Variants in AR observed in about 807,000 individuals in gnomAD.
AR encodes the protein dihydrotestosterone receptor.
AR carries 8 observed loss-of-function variants against 53.9 expected under a neutral mutation model. The observed-to-expected ratio is 0.15, with a 90% CI of 0.09 to 0.27. The LOEUF (loss-of-function observed/expected upper bound fraction) is 0.27, where lower values mean the gene tolerates loss of function less well. Among genes scored for constraint, AR ranks in the 10% least tolerant of loss-of-function variants. The pLI, the probability that AR is intolerant of heterozygous loss-of-function variation, is 1.00. For missense variants in AR, 639 were observed against 742.5 expected (o/e 0.86, Z 1.62); for synonymous variants, 359 against 316.4 (o/e 1.13, Z -1.43).
intron 1 of AR, among the ~76,000 whole-genome samples, chrX:67,552,554 A>G (rs775419804): frequency 1.8e-5 from 2 of 112,515 alleles, no homozygotes; most frequent in African/African-American, 3.2e-5. Context: ...TTGGATACAT[A>G]CATAGGATTG....
At chrX:67,624,034 C>T (rs748819932) in intron 1 of AR, among the ~76,000 whole-genome samples, 5 of 110,760 alleles carry the variant, frequency 4.5e-5, no homozygotes, top group South Asian at 7.8e-4. Context: ...TGTCTTCACA[C>T]GGCAGCAGGA....
intron 2 of AR, among the ~76,000 whole-genome samples, chrX:67,645,727 AACAC>A (rs1469155330): frequency 9.1e-6 from 1 of 109,864 alleles, no homozygotes; most frequent in African/African-American, 3.3e-5. Flanking sequence ...TGGTTTAGAA[AACAC>A]ACACACACAC....
At chrX:67,581,188 A>G (rs772167316) in intron 1 of AR, among the ~76,000 whole-genome samples, 2 of 110,912 alleles carry the variant, frequency 1.8e-5, no homozygotes, top group African/African-American at 6.5e-5. Flanking sequence ...CCTCTCTCAT[A>G]GTTTTAGGAT....
rs184371099 is a variant in AR at position 67,670,652 on chromosome X, G to A, written c.1769-15358G>A. On this transcript the variant is annotated intron_variant, in intron 2 of 7. Transcript: ENST00000374690. Reference sequence around the variant, plus strand: ...TGGGATACATGTGCAGAACGTGCAGGTTTCTTACATAGGTATACTCGTGCC... The same window carrying A: ...TGGGATACATGTGCAGAACGTGCAGATTTCTTACATAGGTATACTCGTGCC... Among the ~76,000 whole-genome samples the A allele has an allele frequency of 5.5e-5, 6 of 109,470 alleles. No individual in the cohort carries two copies. The East Asian group carries it at 1.7e-3, about 31-fold the overall frequency.
intron 1 of AR, among the ~76,000 whole-genome samples, chrX:67,557,610 G>A (rs976869132): frequency 6.3e-5 from 7 of 111,595 alleles, no homozygotes; most frequent in African/African-American, 2.0e-4. Context: ...ACTTTATAGA[G>A]GTCTATAGAA....
intron 3 of AR, among the ~76,000 whole-genome samples, chrX:67,711,012 G>A (rs1003583142): frequency 1.8e-5 from 2 of 112,288 alleles, no homozygotes; most frequent in Non-Finnish European, 3.8e-5. Flanking sequence ...CTGTCACCCA[G>A]AAGCAAAGGT....
At chrX:67,618,958 CT>C (rs1924245136) in intron 1 of AR, among the ~76,000 whole-genome samples, 1 of 111,828 alleles carries the variant, frequency 8.9e-6, no homozygotes, top group South Asian at 3.7e-4. Flanking sequence ...GAATGCCATC[CT>C]AGTACTTTGA....
At position 67,544,997 on chromosome X, in the gene AR, G is replaced by C. The variant is rs1766836953; in HGVS notation, c.-150G>C. On this transcript the variant is annotated 5_prime_UTR_variant, in exon 1 of 8. Coordinates refer to ENST00000374690, the MANE Select transcript of AR (RefSeq NM_000044.6). Reference sequence around the variant, plus strand: ...CTGTCAGAGCGCTTTTTGCGTGGTTGCTCCCGCAAGTTTCCTTCTCTGGAG... The same window carrying C: ...CTGTCAGAGCGCTTTTTGCGTGGTTCCTCCCGCAAGTTTCCTTCTCTGGAG... 4.9e-5 allele frequency: 43 copies of C among 884,497 alleles called. No homozygotes were observed. In the South Asian group the frequency reaches 1.2e-3, roughly 25 times the overall value. The allele number at this position is 884,497 out of a possible 1,213,427, so 72.9% of individuals were successfully genotyped here. A position where few individuals can be genotyped will look rare whatever the true frequency, so the allele number is the denominator to read the frequency against.
intron 1 of AR, among the ~76,000 whole-genome samples, chrX:67,588,704 A>T (rs1277883813): frequency 1.8e-5 from 2 of 111,988 alleles, no homozygotes; most frequent in Non-Finnish European, 3.8e-5. Flanking sequence ...TGGCCTCACA[A>T]TTGGTTTTTA....
chrX:67,641,167 G>A (rs1272952206), intron 1 of AR, among the ~76,000 whole-genome samples: 1 of 111,525 alleles, frequency 9.0e-6, no homozygotes, highest in African/African-American at 3.3e-5. Context: ...ACCCAGGATG[G>A]AATCCTGGCA....
At chrX:67,646,809 T>A (rs1347262297) in intron 2 of AR, among the ~76,000 whole-genome samples, 1 of 111,026 alleles carries the variant, frequency 9.0e-6, no homozygotes, top group Non-Finnish European at 1.9e-5. Flanking sequence ...AACATAATCA[T>A]CATCATTTCA....
At chrX:67,551,129 C>T (rs1929982814) in intron 1 of AR, among the ~76,000 whole-genome samples, 1 of 104,967 alleles carries the variant, frequency 9.5e-6, no homozygotes, top group African/African-American at 3.6e-5. Context: ...GTCTCTGTCT[C>T]TGTCTTGATC....
chrX:67,693,904 T>A (rs928146662), intron 3 of AR, among the ~76,000 whole-genome samples: 7 of 111,899 alleles, frequency 6.3e-5, no homozygotes, highest in Admixed American at 2.9e-4. Context: ...GAAGTAAAAA[T>A]TGATTGTTGA....
chrX:67,629,141 G>A (rs1395471855), intron 1 of AR, among the ~76,000 whole-genome samples: 3 of 110,938 alleles, frequency 2.7e-5, no homozygotes, highest in Non-Finnish European at 5.7e-5. Context: ...TCAGGATGAT[G>A]CTGGCCTCAT....
At chrX:67,713,979 A>G (rs1165472261) in intron 4 of AR, among the ~76,000 whole-genome samples, 1 of 112,628 alleles carries the variant, frequency 8.9e-6, no homozygotes, top group East Asian at 2.8e-4. Flanking sequence ...TGCTAATTCA[A>G]TAGATTGAGT....
chrX:67,608,660 C>T (rs1273594557), intron 1 of AR, among the ~76,000 whole-genome samples: 3 of 111,608 alleles, frequency 2.7e-5, no homozygotes, highest in South Asian at 3.7e-4. Flanking sequence ...GATTTAAAAT[C>T]GAAATAATAT....
rs564605648 is a variant in AR at position 67,623,614 on chromosome X, A to C, written c.1617-19642A>C. Among the ~76,000 whole-genome samples the C allele has an allele frequency of 2.7e-5, 3 of 111,389 alleles. No individual in the cohort carries two copies. In the Admixed American group the frequency reaches 2.9e-4, roughly 11 times the overall value. ...GAAAGGAACAGCAAACTACAAAGAA[A>C]GCAGGAAGAAAGACTAATAAAGACT... On this transcript the variant is annotated intron_variant, in intron 1 of 7. Coordinates refer to ENST00000374690, the MANE Select transcript of AR (RefSeq NM_000044.6).
At chrX:67,603,072 A>G (rs1386742017) in intron 1 of AR, among the ~76,000 whole-genome samples, 1 of 111,634 alleles carries the variant, frequency 9.0e-6, no homozygotes, top group African/African-American at 3.3e-5. Flanking sequence ...TCCCAGGCCT[A>G]TACAAATCCT....
intron 2 of AR, among the ~76,000 whole-genome samples, chrX:67,644,387 T>C (rs780380613): frequency 8.9e-6 from 1 of 112,077 alleles, no homozygotes; most frequent in South Asian, 3.7e-4. Flanking sequence ...AAGAGGTACT[T>C]CCTGCCAAGG....
Sources: allele counts gnomAD v4.1 joint callset (sites outside exome capture counted in the v4.1 genomes callset), GRCh38; gene constraint gnomAD v4.1.1; transcripts MANE v1.5; gene names NCBI Gene and HGNC (gene_info 2026-07-23, HGNC 2026-07-21).